ATP6V1E1: variants seen among roughly 807,000 people sequenced by gnomAD.
ATP6V1E1 encodes ATPase H+ transporting V1 subunit E1, also known as V-type proton ATPase subunit E 1.
A neutral mutation model predicts 35.2 loss-of-function variants in ATP6V1E1; 21 were observed. The observed-to-expected ratio is 0.60, with a 90% CI of 0.42 to 0.86. The LOEUF (loss-of-function observed/expected upper bound fraction) is 0.86, where lower values mean the gene tolerates loss of function less well. Ranked by LOEUF, ATP6V1E1 falls within the 40% of genes least tolerant of loss-of-function variation. The pLI is 0.00. For synonymous variants in ATP6V1E1, 83 were observed against 87.8 expected (o/e 0.95, Z 0.30); for missense variants, 183 against 272.6 (o/e 0.67, Z 2.32).
intron 1 of ATP6V1E1, among the ~76,000 whole-genome samples, chr22:17,627,521 A>C (rs1195875734): frequency 1.3e-5 from 2 of 151,838 alleles, no homozygotes; most frequent in Admixed American, 1.3e-4. Flanking sequence ...CAAAATGAAG[A>C]TTAACAGTAC....
chr22:17,602,028 C>T (rs1382118652), intron 4 of ATP6V1E1, among the ~76,000 whole-genome samples: 2 of 152,192 alleles, frequency 1.3e-5, no homozygotes, highest in Non-Finnish European at 2.9e-5. Context: ...CTTCAACCTC[C>T]TCAATATCTG....
intron 4 of ATP6V1E1, among the ~76,000 whole-genome samples, chr22:17,602,830 A>G (rs2057768364): frequency 6.6e-6 from 1 of 152,238 alleles, no homozygotes. Flanking sequence ...ACAAGATTTA[A>G]TGCCATTCAT....
In ATP6V1E1 at chr22:17,596,303, G is replaced by A. The variant is rs115047688; in HGVS notation, c.531-1687C>T. Among the ~76,000 whole-genome samples, 1,508 of 152,264 alleles carry A rather than the reference G, an allele frequency of 9.9e-3. 33 individuals carry two copies. The highest frequency in any genetic ancestry group is 0.034 in the African/African-American group (1,401 of 41,546). ...CAGTGTTGGGAGGTGGAGCATAGTA[G>A]GAGGTGTTCAGGGCTCAAGGGCAGA... On this transcript the variant is annotated intron_variant, in intron 7 of 8. Coordinates refer to ENST00000253413, the MANE Select transcript of ATP6V1E1 (RefSeq NM_001696.4).
Position 17,616,972 on chromosome 22 carries a change from C to T in ATP6V1E1, c.99+2489G>A, listed in dbSNP as rs2057849203. ...CTGAGGCAGGAGAATGGCGTGAACCCGGGAGGCGGAGCTTGCAGTGAGCCG... is the reference window on the plus strand; with the variant it reads ...CTGAGGCAGGAGAATGGCGTGAACCTGGGAGGCGGAGCTTGCAGTGAGCCG... On this transcript the variant is annotated intron_variant, in intron 2 of 8. Transcript: ENST00000253413. Among the ~76,000 whole-genome samples, 2 of 76,126 alleles carry T rather than the reference C, an allele frequency of 2.6e-5. 1 individual carries two copies. Among genetic ancestry groups the T allele is most frequent in the African/African-American group, 1.1e-4 (2 of 18,150 alleles). 49.9% of individuals were successfully genotyped at this position (76,126 alleles called of 152,430 possible).
intron 2 of ATP6V1E1, among the ~76,000 whole-genome samples, chr22:17,615,189 T>C (rs2057837308): frequency 6.6e-6 from 1 of 151,442 alleles, no homozygotes; most frequent in Non-Finnish European, 1.5e-5. Flanking sequence ...TAGTTCAAGA[T>C]ACTTGGGAGG....
At position 17,592,482 on chromosome 22, in the gene ATP6V1E1, C is replaced by G; in HGVS notation, c.*192G>C. ...AGAAGAACTGGAGGTGGGTCCTGATCATATTACATGAAGCTTTCCACCATT... is the reference window on the plus strand; with the variant it reads ...AGAAGAACTGGAGGTGGGTCCTGATGATATTACATGAAGCTTTCCACCATT... On this transcript the variant is annotated 3_prime_UTR_variant, in exon 9 of 9. Coordinates refer to ENST00000253413, the MANE Select transcript of ATP6V1E1 (RefSeq NM_001696.4). The G allele has an allele frequency of 1.6e-6, 1 of 623,716 alleles. No homozygotes were observed. Among genetic ancestry groups the G allele is most frequent in the South Asian group, 1.9e-5 (1 of 51,846 alleles). 38.6% of individuals were successfully genotyped at this position (623,716 alleles called of 1,614,324 possible).
At chr22:17,601,228 C>T (rs751052519) in intron 4 of ATP6V1E1, 47 bp from the exon 5 acceptor site, 12 of 1,511,754 alleles carry the variant, frequency 7.9e-6, no homozygotes, top group Admixed American at 5.3e-5. Flanking sequence ...TCTGGGCAGT[C>T]GGCTCAGAAC....
At chr22:17,614,010 G>A (rs1450388774) in intron 2 of ATP6V1E1, among the ~76,000 whole-genome samples, 2 of 151,574 alleles carry the variant, frequency 1.3e-5, no homozygotes, top group Admixed American at 6.6e-5. Context: ...AAATGTGGTC[G>A]AGTAACCTCA....
chr22:17,620,794 T>G (rs2057872409), intron 1 of ATP6V1E1, among the ~76,000 whole-genome samples: 1 of 152,106 alleles, frequency 6.6e-6, no homozygotes. Flanking sequence ...CCGGGCATGG[T>G]GGCTCACGCC....
chr22:17,610,924 TTC>T (rs2057812455), intron 4 of ATP6V1E1, among the ~76,000 whole-genome samples: 1 of 152,222 alleles, frequency 6.6e-6, no homozygotes, highest in African/African-American at 2.4e-5. Context: ...CTTAAATGTG[TTC>T]TCTCATTCGA....
intron 4 of ATP6V1E1, 38 bp downstream of exon 4, chr22:17,612,772 CAT>C (rs1424304507): frequency 6.2e-6 from 9 of 1,441,320 alleles, no homozygotes; most frequent in East Asian, 2.4e-5. Context: ...AATGAATAAA[CAT>C]GTAATAATTT....
intron 1 of ATP6V1E1, among the ~76,000 whole-genome samples, chr22:17,625,534 G>C (rs1474789017): frequency 8.0e-6 from 1 of 125,440 alleles, no homozygotes; most frequent in Admixed American, 7.7e-5. Flanking sequence ...GCCCGCCTCG[G>C]CCTCCCAAAG....
chr22:17,598,757 A>C (rs1021420212), intron 6 of ATP6V1E1, among the ~76,000 whole-genome samples: 2 of 152,206 alleles, frequency 1.3e-5, no homozygotes, highest in Non-Finnish European at 2.9e-5. Flanking sequence ...TCAAAGTAAC[A>C]GTATAATAGG....
chr22:17,606,479 G>A (rs1048035872), intron 4 of ATP6V1E1, among the ~76,000 whole-genome samples: 1 of 132,080 alleles, frequency 7.6e-6, no homozygotes, highest in African/African-American at 2.9e-5. Context: ...AAGACTGTAA[G>A]CGGTTAAAAA....
intron 8 of ATP6V1E1, among the ~76,000 whole-genome samples, chr22:17,594,063 G>A (rs2057718630): frequency 6.6e-6 from 1 of 152,138 alleles, no homozygotes; most frequent in African/African-American, 2.4e-5. Flanking sequence ...TTAGCCGGGT[G>A]TGGTGGCAGG....
chr22:17,602,787 T>G (rs2057768169), intron 4 of ATP6V1E1, among the ~76,000 whole-genome samples: 1 of 152,228 alleles, frequency 6.6e-6, no homozygotes, highest in Non-Finnish European at 1.5e-5. Flanking sequence ...TCTAAGATTT[T>G]GGTTTATAAT....
intron 4 of ATP6V1E1, among the ~76,000 whole-genome samples, chr22:17,609,464 CTTTTTTTTT>C (rs61116267): frequency 1.2e-4 from 11 of 90,720 alleles, no homozygotes; most frequent in African/African-American, 4.7e-4. Context: ...CCATCCTGCT[CTTTTTTTTT>C]TTTTTTTTTT....
At chr22:17,609,461 GCTCT>G (rs1213694857) in intron 4 of ATP6V1E1, among the ~76,000 whole-genome samples, 3 of 104,146 alleles carry the variant, frequency 2.9e-5, no homozygotes, top group Non-Finnish European at 5.7e-5. Flanking sequence ...TGCCCATCCT[GCTCT>G]TTTTTTTTTT....
At chr22:17,620,602 A>T (rs1394828048) in intron 1 of ATP6V1E1, among the ~76,000 whole-genome samples, 1 of 152,054 alleles carries the variant, frequency 6.6e-6, no homozygotes, top group Non-Finnish European at 1.5e-5. Flanking sequence ...TCCTACTCAT[A>T]GTAATTTAAA....
Sources: gnomAD v4.1 joint callset for allele counts (sites outside exome capture counted in the v4.1 genomes callset) on GRCh38, gnomAD v4.1.1 for gene constraint, MANE v1.5 for transcripts, NCBI Gene and HGNC (gene_info 2026-07-23, HGNC 2026-07-21) for gene names.